SYNPO2: variants seen among roughly 807,000 people sequenced by gnomAD.
SYNPO2 encodes the protein synaptopodin 2.
A neutral mutation model predicts 85.0 loss-of-function variants in SYNPO2; 56 were observed. That is an observed-to-expected ratio of 0.66 (90% CI 0.53 to 0.82). The LOEUF is 0.82. Ranked by LOEUF, SYNPO2 falls within the 40% of genes least tolerant of loss-of-function variation. SYNPO2 has a pLI of 0.00. For missense variants in SYNPO2, 1,575 were observed against 1,534.2 expected (o/e 1.03, Z -0.44); for synonymous variants, 602 against 591.1 (o/e 1.02, Z -0.27).
At chr4:118,977,270 A>G (rs1313331768) in intron 1 of SYNPO2, among the ~76,000 whole-genome samples, 1 of 152,116 alleles carries the variant, frequency 6.6e-6, no homozygotes, top group African/African-American at 2.4e-5. Flanking sequence ...GACTCAGTAC[A>G]CCCTCTGCAG....
At chr4:118,874,055 A>G (rs62329299) in intron 1 of SYNPO2, among the ~76,000 whole-genome samples, 22,781 of 152,134 alleles carry the variant, frequency 0.15, 1,798 homozygotes, top group East Asian at 0.21. Flanking sequence ...TGGGTTCTCC[A>G]TTCTGTTCTA....
intron 1 of SYNPO2, among the ~76,000 whole-genome samples, chr4:118,891,122 A>G (rs1732366362): frequency 6.6e-6 from 1 of 152,132 alleles, no homozygotes; most frequent in Admixed American, 6.6e-5. Flanking sequence ...GGATTCAGTA[A>G]GGTTGTTAGG....
At chr4:118,900,058 G>A (rs11098461) in intron 1 of SYNPO2, among the ~76,000 whole-genome samples, 22,861 of 152,158 alleles carry the variant, frequency 0.15, 2,012 homozygotes, top group Non-Finnish European at 0.2. Context: ...CACCGCACCC[G>A]GCCTGCTGTA....
chr4:119,024,187 T>C (rs569056502), intron 2 of SYNPO2, among the ~76,000 whole-genome samples: 1 of 151,854 alleles, frequency 6.6e-6, no homozygotes, highest in Admixed American at 6.5e-5. Context: ...TGTTTAACAA[T>C]ATAAAAGAAA....
At chr4:118,947,034 C>G (rs1443563304) in intron 1 of SYNPO2, among the ~76,000 whole-genome samples, 2 of 152,138 alleles carry the variant, frequency 1.3e-5, no homozygotes, top group African/African-American at 4.8e-5. Context: ...AATTCTTGAA[C>G]CAAATCCTCT....
At chr4:118,865,739 G>A (rs1731689281) in intron 1 of SYNPO2, among the ~76,000 whole-genome samples, 1 of 152,054 alleles carries the variant, frequency 6.6e-6, no homozygotes, top group South Asian at 2.1e-4. Flanking sequence ...GAAAAAGCAC[G>A]GTTAAAAAAA....
At chr4:118,876,669 CTTTCTTTCTTTCTTTCTTTCTT>C (rs1560812698) in intron 1 of SYNPO2, among the ~76,000 whole-genome samples, 2 of 2,978 alleles carry the variant, frequency 6.7e-4, no homozygotes, top group African/African-American at 2.4e-3. Context: ...CTTCCTTTCT[CTTTCTTTCTTTCTTTCTTTCTT>C]TCTTTCTTTC....
At chr4:118,980,474 G>A (rs1356220022) in intron 1 of SYNPO2, among the ~76,000 whole-genome samples, 1 of 151,972 alleles carries the variant, frequency 6.6e-6, no homozygotes, top group Non-Finnish European at 1.5e-5. Flanking sequence ...GAGCTGTGGG[G>A]TCACCATGAG....
intron 1 of SYNPO2, among the ~76,000 whole-genome samples, chr4:118,857,070 T>G (rs1731519727): frequency 6.6e-6 from 1 of 152,094 alleles, no homozygotes; most frequent in Admixed American, 6.5e-5. Flanking sequence ...TCAAAATAAT[T>G]TATTAATAAA....
chr4:119,032,613 T>C lies in SYNPO2; in HGVS notation c.3252+586T>C, dbSNP rs74834889. The C allele has an allele frequency of 2.6e-3, 2,583 of 991,656 alleles. 88 individuals are homozygous for C. The East Asian group carries it at 0.12, about 45-fold the overall frequency. The allele number at this position is 991,656 out of a possible 1,614,324, so 61.4% of individuals were successfully genotyped here. A position where few individuals can be genotyped will look rare whatever the true frequency, so the allele number is the denominator to read the frequency against. ...ACTCGGAGGATTGTTGGAATGTATA[T>C]AGTTTAGTAAGAAGTGGGTAAGAAA... On this transcript the variant is annotated intron_variant, in intron 4 of 4. Coordinates refer to ENST00000307142, the MANE Select transcript of SYNPO2 (RefSeq NM_133477.3).
Position 119,027,086 on chromosome 4 carries a change from C to G in SYNPO2, c.717C>G (p.Val239=). 6.2e-7 allele frequency: 1 copy of G among 1,614,120 alleles called. No homozygotes were observed. Among genetic ancestry groups the G allele is most frequent in the South Asian group, 1.1e-5 (1 of 91,078 alleles). ...PDPNLSHDRI[V]HINSIPTNEK... is the part of the protein sequence containing the mutation. ...CTAACTTGTCACATGACAGGATTGTCCACATAAATTCGATCCCTACTAATG... is the reference window on the plus strand; with the variant it reads ...CTAACTTGTCACATGACAGGATTGTGCACATAAATTCGATCCCTACTAATG... The change falls in exon 3 of 5, where the codon GTC becomes GTG. Residue 239 remains valine (V), a synonymous_variant. Coordinates refer to ENST00000307142, the MANE Select transcript of SYNPO2 (RefSeq NM_133477.3).
chr4:118,893,324 A>T (rs185458607), intron 1 of SYNPO2, among the ~76,000 whole-genome samples: 4 of 152,360 alleles, frequency 2.6e-5, no homozygotes, highest in Non-Finnish European at 4.4e-5. Flanking sequence ...GAACTTTGCC[A>T]TTAGCTGGAC....
At chr4:118,941,325 A>G (rs1424077658) in intron 1 of SYNPO2, among the ~76,000 whole-genome samples, 1 of 152,154 alleles carries the variant, frequency 6.6e-6, no homozygotes, top group Non-Finnish European at 1.5e-5. Context: ...AACTGCATTC[A>G]GGACACTGTC....
intron 1 of SYNPO2, among the ~76,000 whole-genome samples, chr4:118,862,983 G>T (rs1731636536): frequency 6.6e-6 from 1 of 151,948 alleles, no homozygotes. Flanking sequence ...GCTAATTTTT[G>T]TATTTTTTGT....
intron 1 of SYNPO2, among the ~76,000 whole-genome samples, chr4:119,018,114 A>C (rs1737587262): frequency 6.6e-6 from 1 of 152,162 alleles, no homozygotes; most frequent in Admixed American, 6.5e-5. Flanking sequence ...TTAACTTTCC[A>C]ATTTCACTTG....
At chr4:119,033,808 C>T in intron 4 of SYNPO2, 2 of 984,380 alleles carry the variant, frequency 2.0e-6, no homozygotes, top group Non-Finnish European at 2.4e-6. Context: ...TCTGATATTT[C>T]TCTATATGGC....
At chr4:118,865,070 T>A (rs552294879) in intron 1 of SYNPO2, among the ~76,000 whole-genome samples, 10 of 152,320 alleles carry the variant, frequency 6.6e-5, no homozygotes, top group African/African-American at 2.2e-4. Context: ...TTGGAATTAA[T>A]AAAACTTGGA....
chr4:119,013,103 C>G (rs1737391824), intron 1 of SYNPO2, among the ~76,000 whole-genome samples: 1 of 152,124 alleles, frequency 6.6e-6, no homozygotes, highest in African/African-American at 2.4e-5. Flanking sequence ...TGTTACTTGT[C>G]CTTTTCACCA....
At chr4:118,982,598 A>C (rs1405198024) in intron 1 of SYNPO2, among the ~76,000 whole-genome samples, 2 of 152,234 alleles carry the variant, frequency 1.3e-5, no homozygotes, top group African/African-American at 4.8e-5. Flanking sequence ...GGTTCCGCTC[A>C]TCTCTGATCC....
Sources: gnomAD v4.1 joint callset for allele counts (sites outside exome capture counted in the v4.1 genomes callset) on GRCh38, gnomAD v4.1.1 for gene constraint, MANE v1.5 for transcripts, NCBI Gene and HGNC (gene_info 2026-07-23, HGNC 2026-07-21) for gene names.